PDE8B: variants seen among roughly 807,000 people sequenced by gnomAD.
The protein encoded by PDE8B is high affinity cAMP-specific and IBMX-insensitive 3',5'-cyclic phosphodiesterase 8B.
In PDE8B, 26 loss-of-function variants were observed where a neutral mutation model predicts 101.3. That is an observed-to-expected ratio of 0.26 (90% confidence interval 0.19 to 0.36). The LOEUF is 0.36. Ranked by LOEUF, PDE8B falls within the 10% of genes least tolerant of loss-of-function variation. The pLI, the probability that PDE8B is intolerant of heterozygous loss-of-function variation, is 1.00. For synonymous variants in PDE8B, 424 were observed against 429.3 expected, an observed-to-expected ratio of 0.99 and a Z score of 0.15; for missense variants, 810 against 1,163.1, an observed-to-expected ratio of 0.70 and a Z score of 4.42.
chr5:77,204,058 T>G, the PDE8B span, among the ~76,000 whole-genome samples: 1 of 149,744 alleles, frequency 6.7e-6, no homozygotes, highest in Admixed American at 6.6e-5. Context: ...TAGTTTTTTT[T>G]TTTTTTTTTT....
At chr5:77,349,977 G>A (rs2306344) in intron 8 of PDE8B, among the ~76,000 whole-genome samples, 52,385 of 151,814 alleles carry the variant, frequency 0.35, 9,845 homozygotes, top group African/African-American at 0.49. Flanking sequence ...TTCTCTGATC[G>A]CTGTTCAACA....
intron 20 of PDE8B, among the ~76,000 whole-genome samples, chr5:77,423,837 G>A (rs1380923947): frequency 6.6e-6 from 1 of 151,438 alleles, no homozygotes; most frequent in Non-Finnish European, 1.5e-5. Flanking sequence ...GGGTTTCCCT[G>A]TGTTGCCCAG....
At chr5:77,379,019 A>G (rs140582134) in intron 10 of PDE8B, among the ~76,000 whole-genome samples, 5 of 152,372 alleles carry the variant, frequency 3.3e-5, no homozygotes, top group Non-Finnish European at 7.3e-5. Context: ...CCTGAATAGT[A>G]GCTTGCATTA....
At chr5:77,278,616 C>CCT (rs1472343357) in intron 1 of PDE8B, among the ~76,000 whole-genome samples, 1 of 151,992 alleles carries the variant, frequency 6.6e-6, no homozygotes. Flanking sequence ...ACTACAGGCA[C>CCT]CTGCCACCAC....
At chr5:77,171,290 G>A in the PDE8B span, among the ~76,000 whole-genome samples, 5 of 152,168 alleles carry the variant, frequency 3.3e-5, no homozygotes, top group Non-Finnish European at 5.9e-5. Flanking sequence ...GTCCTATTTA[G>A]GGGTATGACT....
intron 10 of PDE8B, among the ~76,000 whole-genome samples, chr5:77,367,173 A>ACT (rs1561593104): frequency 6.6e-6 from 1 of 152,164 alleles, no homozygotes; most frequent in Non-Finnish European, 1.5e-5. Context: ...ACACACACAC[A>ACT]CACACACACA....
the PDE8B span, among the ~76,000 whole-genome samples, chr5:77,170,452 G>A: frequency 6.6e-6 from 1 of 152,156 alleles, no homozygotes; most frequent in African/African-American, 2.4e-5. Context: ...CTCGGGAGAG[G>A]GAGCAGTTCT....
intron 5 of PDE8B, among the ~76,000 whole-genome samples, chr5:77,334,969 G>A (rs1386306867): frequency 6.6e-6 from 1 of 152,164 alleles, no homozygotes; most frequent in Non-Finnish European, 1.5e-5. Context: ...TTGCATATTA[G>A]CATTTTAAAT....
rs746886774 is a variant in PDE8B, at chr5:77,376,304, G to T, written c.1167+22898G>T. On this transcript the variant is annotated intron_variant, in intron 10 of 21. Coordinates refer to ENST00000264917, the MANE Select transcript of PDE8B (RefSeq NM_003719.5). ...CCCCAAACTTACCTTTTAACTGCTC[G>T]ACCGCATGGCACCACCTTTTGGGAA... Among the ~76,000 whole-genome samples the T allele has an allele frequency of 5.9e-5, 9 of 152,220 alleles. No homozygotes were observed. The East Asian group carries it at 1.5e-3, about 26-fold the overall frequency.
intron 7 of PDE8B, among the ~76,000 whole-genome samples, chr5:77,348,869 G>T (rs1290443633): frequency 7.9e-5 from 12 of 152,004 alleles, no homozygotes; most frequent in African/African-American, 2.9e-4. Context: ...TTTTGTGGAG[G>T]TGGAGTCTAG....
At chr5:77,147,557 G>C in the PDE8B span, 140 of 151,458 alleles carry the variant, frequency 9.2e-4, no homozygotes, top group African/African-American at 3.3e-3. Flanking sequence ...AAAAAAAAAA[G>C]TGGCAGCTGT....
chr5:77,369,725 C>T (rs555147097), intron 10 of PDE8B, among the ~76,000 whole-genome samples: 1 of 152,298 alleles, frequency 6.6e-6, no homozygotes, highest in Admixed American at 6.5e-5. Flanking sequence ...GGCATCATAC[C>T]TCGAGACCAC....
the PDE8B span, among the ~76,000 whole-genome samples, chr5:77,109,927 G>GTTTTTTTTTTTTTTTTTTTT: frequency 1.2e-4 from 8 of 67,264 alleles, 2 homozygotes; most frequent in African/African-American, 4.6e-4. Context: ...TTGTATTTCA[G>GTTTTTTTTTTTTTTTTTTTT]TTTTTTTTTT....
At chr5:77,318,903 C>T (rs548272189) in intron 2 of PDE8B, among the ~76,000 whole-genome samples, 3 of 152,322 alleles carry the variant, frequency 2.0e-5, no homozygotes, top group East Asian at 1.9e-4. Context: ...GATACACCCT[C>T]ATTTAGAAAT....
Position 77,211,272 on chromosome 5 carries a change from C to T in PDE8B, c.339+8C>T. On this transcript the variant is annotated splice_region_variant and intron_variant, in intron 1 of 21. Transcript: ENST00000264917. The surrounding 1 kb of genome is among the most constrained non-coding windows in gnomAD (Gnocchi z 4.1). ...TGCTACACCAGCGTGAAGGTAAATG[C>T]CCCGCGCTGGCACACGCCGTGGGGG... 1 of 1,552,730 alleles carries T rather than the reference C, an allele frequency of 6.4e-7. No individual in the cohort carries two copies. The highest frequency in any genetic ancestry group is 8.6e-7 in the Non-Finnish European group (1 of 1,157,138).
chr5:77,321,987 G>T (rs1381257769), intron 2 of PDE8B, among the ~76,000 whole-genome samples: 1 of 152,190 alleles, frequency 6.6e-6, no homozygotes, highest in Non-Finnish European at 1.5e-5. Context: ...ACCGCAGTCA[G>T]TCAGGAGGCA....
chr5:77,346,913 G>A, intron 7 of PDE8B, among the ~76,000 whole-genome samples: 1 of 152,190 alleles, frequency 6.6e-6, no homozygotes, highest in East Asian at 1.9e-4. Flanking sequence ...GTTAATATAT[G>A]TTCTTACTTG....
the PDE8B span, among the ~76,000 whole-genome samples, chr5:77,135,442 G>T: frequency 6.7e-6 from 1 of 150,204 alleles, no homozygotes; most frequent in African/African-American, 2.5e-5. Context: ...GACCCTTTCA[G>T]TTGAGGGACT....
At chr5:77,093,590 G>A in the PDE8B span, among the ~76,000 whole-genome samples, 1 of 152,172 alleles carries the variant, frequency 6.6e-6, no homozygotes, top group Non-Finnish European at 1.5e-5. Flanking sequence ...AGCTGACCCA[G>A]TTGAGATGTC....
Sources: gnomAD v4.1 joint callset for allele counts (sites outside exome capture counted in the v4.1 genomes callset) on GRCh38, gnomAD v4.1.1 for gene constraint, Gnocchi (gnomAD v3.1) non-coding constraint, MANE v1.5 for transcripts, NCBI Gene and HGNC (gene_info 2026-07-23, HGNC 2026-07-21) for gene names.